Variants in FAM13B observed in about 807,000 individuals in gnomAD.
FAM13B encodes family with sequence similarity 13 member B.
In FAM13B, 60 loss-of-function variants were observed where a neutral mutation model predicts 117.3. The ratio of observed to expected loss-of-function variants is 0.51; its 90% CI spans 0.42 to 0.63. FAM13B has a LOEUF of 0.63. Ranked by LOEUF, FAM13B falls within the 30% of genes least tolerant of loss-of-function variation. The probability of loss-of-function intolerance (pLI) is 0.00; values close to 1 mark genes in which losing one functional copy is unlikely to be tolerated. For synonymous variants in FAM13B, 332 were observed against 356.1 expected (o/e 0.93, Z 0.76); for missense variants, 972 against 1,091.9 (o/e 0.89, Z 1.55).
At chr5:137,994,495 T>C (rs752737846) in intron 7 of FAM13B, among the ~76,000 whole-genome samples, 1 of 152,204 alleles carries the variant, frequency 6.6e-6, no homozygotes, top group Non-Finnish European at 1.5e-5. Context: ...AAAAGATATA[T>C]CAATATAGTT....
chr5:138,017,531 A>G (rs1260439152), intron 4 of FAM13B, among the ~76,000 whole-genome samples: 1 of 152,222 alleles, frequency 6.6e-6, no homozygotes, highest in East Asian at 1.9e-4. Flanking sequence ...TAATTTTAAA[A>G]TTCAAGAAAT....
upstream of FAM13B, chr5:138,036,471 C>A (rs773242528): frequency 2.2e-6 from 1 of 456,688 alleles, no homozygotes; most frequent in Admixed American, 2.3e-5. Context: ...CACAGGCCCA[C>A]GGTGCCCCTC....
chr5:138,020,368 T>C (rs1335072728), intron 2 of FAM13B, among the ~76,000 whole-genome samples: 1 of 152,194 alleles, frequency 6.6e-6, no homozygotes, highest in Non-Finnish European at 1.5e-5. Flanking sequence ...CTTAACACTG[T>C]TATTTCATAA....
At chr5:137,992,675 A>C (rs1778916425) in intron 7 of FAM13B, among the ~76,000 whole-genome samples, 1 of 152,192 alleles carries the variant, frequency 6.6e-6, no homozygotes, top group Non-Finnish European at 1.5e-5. Flanking sequence ...ACATATGAAA[A>C]GGGGGAGGGC....
intron 7 of FAM13B, among the ~76,000 whole-genome samples, chr5:138,005,291 C>A (rs1015890160): frequency 6.6e-6 from 1 of 152,134 alleles, no homozygotes; most frequent in Admixed American, 6.6e-5. Flanking sequence ...CCATTTAAAT[C>A]TATTGCTGTA....
At chr5:137,961,559 G>A (rs1449232221) in intron 11 of FAM13B, among the ~76,000 whole-genome samples, 2 of 152,186 alleles carry the variant, frequency 1.3e-5, no homozygotes, top group African/African-American at 2.4e-5. Flanking sequence ...GGAGGCTCCA[G>A]AGACGTGGCT....
chr5:138,025,903 C>T (rs1788228584), intron 1 of FAM13B, among the ~76,000 whole-genome samples: 1 of 152,196 alleles, frequency 6.6e-6, no homozygotes, highest in Non-Finnish European at 1.5e-5. Flanking sequence ...TTAACCAAAA[C>T]AGCATCTACA....
chr5:137,954,477 T>G, intron 14 of FAM13B, 101 bp from the exon 15 acceptor site: 3 of 797,874 alleles, frequency 3.8e-6, no homozygotes, highest in Non-Finnish European at 5.9e-6. Flanking sequence ...CATATCATTA[T>G]GTAGTGGTTC....
In FAM13B at chr5:137,988,328, A is replaced by C. The variant is rs372882133; in HGVS notation, c.849-13T>G. ...AGATATATGGGTGCTGCAATCAAAGAAAGAAATTAGCTATAAAAATGTTCA... is the reference window on the plus strand; with the variant it reads ...AGATATATGGGTGCTGCAATCAAAGCAAGAAATTAGCTATAAAAATGTTCA... On this transcript the variant is annotated splice_polypyrimidine_tract_variant and intron_variant, in intron 7 of 23. Coordinates refer to ENST00000689681, the MANE Select transcript of FAM13B (RefSeq NM_001385994.1). 6.4e-6 allele frequency: 10 copies of C among 1,555,718 alleles called. No individual in the cohort carries two copies. Among genetic ancestry groups the C allele is most frequent in the Non-Finnish European group, 8.6e-6 (10 of 1,160,412 alleles).
upstream of FAM13B, chr5:138,034,154 A>G (rs1345306857): frequency 6.6e-6 from 1 of 152,222 alleles, no homozygotes; most frequent in East Asian, 1.9e-4. Flanking sequence ...AACCAGAAGA[A>G]TCTGAATAAG....
chr5:138,024,878 GT>G (rs757114555), intron 1 of FAM13B, among the ~76,000 whole-genome samples: 48 of 119,530 alleles, frequency 4.0e-4, no homozygotes, highest in African/African-American at 1.1e-3. Flanking sequence ...TTTTTTGTTT[GT>G]TTTTTTTTTG....
At chr5:138,006,437 A>G (rs1782595633) in intron 7 of FAM13B, among the ~76,000 whole-genome samples, 1 of 152,022 alleles carries the variant, frequency 6.6e-6, no homozygotes, top group Non-Finnish European at 1.5e-5. Flanking sequence ...AGAAAGGTTC[A>G]CTCTTTCTCT....
chr5:137,943,258 T>C (rs958903291), intron 20 of FAM13B, 42 bp from the exon 21 acceptor site: 14 of 1,497,602 alleles, frequency 9.3e-6, no homozygotes, highest in Admixed American at 5.2e-5. Context: ...ATTTTAAGTA[T>C]TCAAAGTGTC....
rs1174305090 is a variant in FAM13B, at chr5:138,024,820, G to C, written c.-202-3623C>G. 3.7e-3 allele frequency among the ~76,000 whole-genome samples: 548 copies of C among 148,330 alleles called. 3 individuals are homozygous for C. The highest frequency in any genetic ancestry group is 8.2e-3 in the African/African-American group (335 of 40,702). ...ACACACACACACACACACAGAGAGA[G>C]AGAGAGAGAGAGAGAAAGAGAGAGA... On this transcript the variant is annotated intron_variant, in intron 1 of 23. Coordinates refer to ENST00000689681, the MANE Select transcript of FAM13B (RefSeq NM_001385994.1).
chr5:137,959,413 A>C (rs967713306), intron 13 of FAM13B, among the ~76,000 whole-genome samples: 3 of 152,182 alleles, frequency 2.0e-5, no homozygotes, highest in African/African-American at 7.2e-5. Context: ...TCAGACAAGA[A>C]CTTCTAGTTC....
At chr5:137,982,642 C>T (rs761108729) in intron 10 of FAM13B, among the ~76,000 whole-genome samples, 1 of 151,548 alleles carries the variant, frequency 6.6e-6, no homozygotes, top group Non-Finnish European at 1.5e-5. Flanking sequence ...AACAAACAGG[C>T]CTTGGTTAAT....
In FAM13B at chr5:137,948,716, A is replaced by G. The variant is rs1040004310; in HGVS notation, c.2160+239T>C. On this transcript the variant is annotated intron_variant, in intron 18 of 23. Transcript: ENST00000689681. Reference sequence around the variant, plus strand: ...TGCTCTTTATACACTCATCTTGCCAACTGACTCCAACATAAATGAACTCAT... The same window carrying G: ...TGCTCTTTATACACTCATCTTGCCAGCTGACTCCAACATAAATGAACTCAT... 2.6e-5 allele frequency among the ~76,000 whole-genome samples: 4 copies of G among 152,222 alleles called. 1 individual carries two copies. In the South Asian group the frequency reaches 8.3e-4, roughly 32 times the overall value.
intron 17 of FAM13B, among the ~76,000 whole-genome samples, chr5:137,950,711 C>T (rs894762964): frequency 6.6e-6 from 1 of 151,908 alleles, no homozygotes; most frequent in African/African-American, 2.4e-5. Flanking sequence ...TTCTGACTAC[C>T]ATGCAGCAGA....
intron 1 of FAM13B, among the ~76,000 whole-genome samples, chr5:138,025,305 A>ATGT (rs1788009561): frequency 1.6e-5 from 1 of 61,054 alleles, no homozygotes; most frequent in African/African-American, 4.1e-5. Context: ...ATATATATAT[A>ATGT]TATATGTATT....
Sources: gnomAD v4.1 joint callset for allele counts (sites outside exome capture counted in the v4.1 genomes callset) on GRCh38, gnomAD v4.1.1 for gene constraint, MANE v1.5 for transcripts, NCBI Gene and HGNC (gene_info 2026-07-23, HGNC 2026-07-21) for gene names.